MITF: variants seen among roughly 807,000 people sequenced by gnomAD.
MITF encodes microphthalmia-associated transcription factor.
Under a neutral mutation model 60.5 loss-of-function variants are expected in MITF, and 17 were observed. The ratio of observed to expected loss-of-function variants is 0.28; its 90% CI spans 0.19 to 0.42. The LOEUF (loss-of-function observed/expected upper bound fraction) is 0.42, where lower values mean the gene tolerates loss of function less well. MITF is among the 10% of genes least tolerant of loss of function. The pLI is 1.00. For synonymous variants in MITF, 260 were observed against 248.5 expected, an observed-to-expected ratio of 1.05 and a Z score of -0.43; for missense variants, 622 against 683.5, an observed-to-expected ratio of 0.91 and a Z score of 1.00.
At chr3:69,800,206 T>C (rs1489712378) in intron 1 of MITF, among the ~76,000 whole-genome samples, 1 of 152,228 alleles carries the variant, frequency 6.6e-6, no homozygotes, top group Non-Finnish European at 1.5e-5. Flanking sequence ...TTATACATTA[T>C]GTGGCCTTTC....
At chr3:69,882,252 G>A (rs1300034210) in intron 2 of MITF, among the ~76,000 whole-genome samples, 3 of 152,048 alleles carry the variant, frequency 2.0e-5, no homozygotes, top group Non-Finnish European at 4.4e-5. Context: ...ATTCCTCAAC[G>A]TATAGTCATT....
chr3:69,851,271 TTAAAG>T (rs2063819170), intron 1 of MITF, among the ~76,000 whole-genome samples: 1 of 152,218 alleles, frequency 6.6e-6, no homozygotes, highest in South Asian at 2.1e-4. Context: ...ATAGGTTTCT[TTAAAG>T]TATGTACCAT....
At chr3:69,772,702 C>T (rs991558039) in intron 1 of MITF, among the ~76,000 whole-genome samples, 2 of 152,074 alleles carry the variant, frequency 1.3e-5, no homozygotes, top group Admixed American at 6.6e-5. Context: ...GTAGATGACA[C>T]CCATGCCACC....
At chr3:69,795,134 G>A (rs2062807641) in intron 1 of MITF, among the ~76,000 whole-genome samples, 1 of 152,082 alleles carries the variant, frequency 6.6e-6, no homozygotes. Context: ...GGAATGGTTA[G>A]CTCATCTTTT....
intron 1 of MITF, among the ~76,000 whole-genome samples, chr3:69,842,653 A>G (rs2063660148): frequency 1.3e-5 from 2 of 152,214 alleles, no homozygotes; most frequent in Admixed American, 1.3e-4. Context: ...TGAAGACAGA[A>G]TCACGCACAA....
intron 1 of MITF, among the ~76,000 whole-genome samples, chr3:69,741,227 A>G (rs1575651332): frequency 6.6e-6 from 1 of 151,908 alleles, no homozygotes; most frequent in Non-Finnish European, 1.5e-5. Context: ...TGTGAAGGGT[A>G]TTGTTGGTTA....
At chr3:69,892,809 A>G (rs986999636) in intron 2 of MITF, among the ~76,000 whole-genome samples, 7 of 152,164 alleles carry the variant, frequency 4.6e-5, no homozygotes, top group African/African-American at 1.4e-4. Context: ...AGGTCTTTCT[A>G]CTGACGTGGC....
chr3:69,841,381 A>G (rs866547605), intron 1 of MITF, among the ~76,000 whole-genome samples: 21 of 152,352 alleles, frequency 1.4e-4, no homozygotes, highest in Middle Eastern at 6.8e-3. Flanking sequence ...TAATATTTGA[A>G]AAGGTGATAG....
chr3:69,893,124 T>C (rs1295975895), intron 2 of MITF, among the ~76,000 whole-genome samples: 2 of 152,212 alleles, frequency 1.3e-5, no homozygotes, highest in Non-Finnish European at 2.9e-5. Flanking sequence ...CACCAGATGA[T>C]ACTGATTGCC....
At chr3:69,914,657 G>T (rs2065296245) in intron 2 of MITF, among the ~76,000 whole-genome samples, 1 of 152,166 alleles carries the variant, frequency 6.6e-6, no homozygotes, top group Non-Finnish European at 1.5e-5. Flanking sequence ...TCATTGTGCG[G>T]TGTTGGATGA....
chr3:69,932,967 A>C (rs2065755666), intron 2 of MITF, among the ~76,000 whole-genome samples: 1 of 152,154 alleles, frequency 6.6e-6, no homozygotes, highest in African/African-American at 2.4e-5. Context: ...GCAAAAGAAC[A>C]AATTATCTCT....
intron 1 of MITF, among the ~76,000 whole-genome samples, chr3:69,867,051 C>T: frequency 6.6e-6 from 1 of 152,156 alleles, no homozygotes; most frequent in Non-Finnish European, 1.5e-5. Flanking sequence ...GTTCCCCCCA[C>T]ATCCTTTAAC....
chr3:69,777,629 A>G (rs956212125), intron 1 of MITF, among the ~76,000 whole-genome samples: 1 of 152,144 alleles, frequency 6.6e-6, no homozygotes, highest in Non-Finnish European at 1.5e-5. Context: ...CAAGGCCTGG[A>G]TGTCAGATCC....
At chr3:69,814,819 G>A (rs760675741) in intron 1 of MITF, among the ~76,000 whole-genome samples, 8 of 152,056 alleles carry the variant, frequency 5.3e-5, no homozygotes, top group East Asian at 3.9e-4. Context: ...TGATTCTCCC[G>A]GCAACAAAGG....
Position 69,954,165 on chromosome 3 carries a change from T to A in MITF, c.955+2279T>A, listed in dbSNP as rs149894619. ...ACACCTAAATATTGACAGTGAAAGG[T>A]GTCAGCTATATGCTGGTGAGTGAAA... On this transcript the variant is annotated intron_variant, in intron 7 of 9. Transcript: ENST00000352241. Among the ~76,000 whole-genome samples the A allele has an allele frequency of 9.0e-3, 1,363 of 152,286 alleles. 9 individuals are homozygous for A. The highest frequency in any genetic ancestry group is 0.014 in the Non-Finnish European group (964 of 68,026).
Position 69,937,811 on chromosome 3 carries a change from G to A in MITF, c.355-11G>A, listed in dbSNP as rs1222290531. ...AGCGCTGTTTTCTTTTCCCTCCATG[G>A]CTATGTTCAGGTGCAGACCCACCTC... On this transcript the variant is annotated splice_polypyrimidine_tract_variant and intron_variant, in intron 2 of 9. Coordinates refer to ENST00000352241, the MANE Select transcript of MITF (RefSeq NM_001354604.2). 6.2e-7 allele frequency: 1 copy of A among 1,611,914 alleles called. No individual in the cohort carries two copies. Among genetic ancestry groups the A allele is most frequent in the Non-Finnish European group, 8.5e-7 (1 of 1,178,210 alleles).
At chr3:69,940,916 A>G (rs2107489378) in intron 4 of MITF, among the ~76,000 whole-genome samples, 1 of 152,242 alleles carries the variant, frequency 6.6e-6, no homozygotes, top group South Asian at 2.1e-4. Context: ...AAATTGCTAT[A>G]ATAATAGTAC....
chr3:69,957,653 CTTCT>C (rs1279570781), intron 8 of MITF, among the ~76,000 whole-genome samples: 2 of 152,182 alleles, frequency 1.3e-5, no homozygotes, highest in Non-Finnish European at 2.9e-5. Flanking sequence ...CCATTTTCCT[CTTCT>C]TTATCAGCTT....
intron 1 of MITF, among the ~76,000 whole-genome samples, chr3:69,839,477 G>A (rs2063593424): frequency 6.6e-6 from 1 of 150,630 alleles, no homozygotes; most frequent in South Asian, 2.1e-4. Context: ...GCATAGTTGA[G>A]GATTTTATCT....
Sources: allele counts gnomAD v4.1 joint callset (sites outside exome capture counted in the v4.1 genomes callset), GRCh38; gene constraint gnomAD v4.1.1; transcripts MANE v1.5; gene names NCBI Gene and HGNC (gene_info 2026-07-23, HGNC 2026-07-21).